The following RBFOX1 variants were observed in gnomAD, a reference collection of about 807,000 sequenced individuals.
The protein encoded by RBFOX1 is RNA binding fox-1 homolog 1, also known as RNA binding protein fox-1 homolog 1.
Under a neutral mutation model 57.7 loss-of-function variants are expected in RBFOX1, and 8 were observed. The observed-to-expected ratio is 0.14, with a 90% CI of 0.08 to 0.25. The LOEUF (loss-of-function observed/expected upper bound fraction) is 0.25, where lower values mean the gene tolerates loss of function less well. Among genes scored for constraint, RBFOX1 ranks in the 10% least tolerant of loss-of-function variants. RBFOX1 has a pLI of 1.00. For missense variants in RBFOX1, 611 were observed against 548.5 expected, an observed-to-expected ratio of 1.11 and a Z score of -1.14; for synonymous variants, 326 against 222.4, an observed-to-expected ratio of 1.47 and a Z score of -4.15.
chr16:7,292,954 A>G (rs1398132324), intron 4 of RBFOX1, among the ~76,000 whole-genome samples: 1 of 152,156 alleles, frequency 6.6e-6, no homozygotes, highest in Admixed American at 6.6e-5. Context: ...TGAAGGGGTG[A>G]GGATACGAAT....
intron 3 of RBFOX1, among the ~76,000 whole-genome samples, chr16:6,899,353 A>C (rs1299018929): frequency 3.9e-5 from 6 of 152,180 alleles, no homozygotes; most frequent in Admixed American, 3.3e-4. Context: ...ATTTAGCATC[A>C]GGCATTTTCT....
intron 1 of RBFOX1, among the ~76,000 whole-genome samples, chr16:5,365,172 C>A (rs541090907): frequency 6.6e-6 from 1 of 152,090 alleles, no homozygotes; most frequent in African/African-American, 2.4e-5. Context: ...CCCTAAGTAC[C>A]GCTTCGTGGA....
chr16:7,300,450 G>A (rs2096005318), intron 4 of RBFOX1, among the ~76,000 whole-genome samples: 1 of 152,156 alleles, frequency 6.6e-6, no homozygotes, highest in Non-Finnish European at 1.5e-5. Flanking sequence ...AGACTATATT[G>A]TCGTCCACAT....
chr16:6,626,621 A>T (rs2098311798), intron 2 of RBFOX1, among the ~76,000 whole-genome samples: 1 of 152,022 alleles, frequency 6.6e-6, no homozygotes, highest in African/African-American at 2.4e-5. Context: ...TTAGCTAGGT[A>T]TGGTGGTGCG....
At chr16:6,341,287 C>T (rs1360902456) in intron 2 of RBFOX1, among the ~76,000 whole-genome samples, 2 of 152,088 alleles carry the variant, frequency 1.3e-5, no homozygotes. Flanking sequence ...CTTCCATTTT[C>T]AAAGCCGACA....
intron 3 of RBFOX1, among the ~76,000 whole-genome samples, chr16:5,740,970 G>T (rs2052750786): frequency 6.6e-6 from 1 of 151,936 alleles, no homozygotes. Context: ...CATGAGGGAT[G>T]GTCCTTAAAA....
chr16:6,284,838 A>G (rs2076736438), intron 1 of RBFOX1, among the ~76,000 whole-genome samples: 1 of 152,176 alleles, frequency 6.6e-6, no homozygotes, highest in Non-Finnish European at 1.5e-5. Context: ...ATTATATACG[A>G]GTGCATGGAG....
At chr16:7,144,417 C>CTTCTTTTT (rs3046798) in intron 4 of RBFOX1, among the ~76,000 whole-genome samples, 9,517 of 67,110 alleles carry the variant, frequency 0.14, 1,370 homozygotes, top group Non-Finnish European at 0.19. Context: ...TTTCTTTCTT[C>CTTCTTTTT]TTTTTTTTTT....
chr16:5,811,929 T>C (rs1597348153), intron 3 of RBFOX1, among the ~76,000 whole-genome samples: 3 of 152,312 alleles, frequency 2.0e-5, no homozygotes, highest in African/African-American at 7.2e-5. Context: ...TAATCTACTC[T>C]CCCTCAACCT....
intron 2 of RBFOX1, among the ~76,000 whole-genome samples, chr16:6,319,500 C>A (rs1313193230): frequency 6.6e-6 from 1 of 152,122 alleles, no homozygotes; most frequent in Non-Finnish European, 1.5e-5. Flanking sequence ...CTTCTTAACT[C>A]CTGATGGAGT....
rs543149838 is a variant in RBFOX1, at chr16:6,334,643, G to A, written c.-64+17586G>A. On this transcript the variant is annotated intron_variant, in intron 2 of 15. Coordinates refer to ENST00000550418, the MANE Select transcript of RBFOX1 (RefSeq NM_018723.4). Reference sequence around the variant, plus strand: ...TGGGTCATAGGGAGTTTTATTCCAGGCTGAGTGAAATAAGACAGAGGACAG... The same window carrying A: ...TGGGTCATAGGGAGTTTTATTCCAGACTGAGTGAAATAAGACAGAGGACAG... 4.6e-5 allele frequency among the ~76,000 whole-genome samples: 7 copies of A among 152,244 alleles called. No homozygotes were observed. In the East Asian group the frequency reaches 1.3e-3, roughly 29 times the overall value.
chr16:7,185,120 T>C (rs752581749), intron 4 of RBFOX1, among the ~76,000 whole-genome samples: 2 of 152,160 alleles, frequency 1.3e-5, no homozygotes, highest in Non-Finnish European at 2.9e-5. Flanking sequence ...CAGTGGGGTA[T>C]TATGGAAGAG....
chr16:7,528,780 G>T (rs1234196048), intron 5 of RBFOX1, among the ~76,000 whole-genome samples: 3 of 152,174 alleles, frequency 2.0e-5, no homozygotes, highest in Non-Finnish European at 4.4e-5. Context: ...TGCATAGTAA[G>T]TTCCTATGAA....
Position 7,518,294 on chromosome 16 carries a change from C to G in RBFOX1, c.175C>G (p.Pro59Ala), listed in dbSNP as rs137880529. The part of the protein sequence containing the change: ...APEYTGQTTV[P>A]EHTLNLYPPA... The stretch of plus-strand genomic sequence containing the variant: ...AGAGTACACAGGCCAGACCACGGTT[C>G]CCGAGCACACATTAAACCTGTACCC... The change falls in exon 5 of 16, where the codon CCC becomes GCC. Residue 59 changes from proline (P) to alanine (A), a missense_variant. Coordinates refer to ENST00000550418, the MANE Select transcript of RBFOX1 (RefSeq NM_018723.4). The G allele has an allele frequency of 6.2e-7, 1 of 1,614,040 alleles. No individual in the cohort carries two copies. Among genetic ancestry groups the G allele is most frequent in the Non-Finnish European group, 8.5e-7 (1 of 1,180,034 alleles).
chr16:6,032,674 TA>T (rs1236440306), intron 1 of RBFOX1, among the ~76,000 whole-genome samples: 2 of 152,104 alleles, frequency 1.3e-5, no homozygotes, highest in African/African-American at 4.8e-5. Context: ...ATTTTTTTTT[TA>T]AAGCAACATT....
intron 4 of RBFOX1, among the ~76,000 whole-genome samples, chr16:7,190,161 G>T (rs1254320887): frequency 2.0e-5 from 3 of 152,104 alleles, no homozygotes; most frequent in Non-Finnish European, 4.4e-5. Context: ...AGGAGTTCGA[G>T]ACCAGCCTTG....
At chr16:6,623,138 C>G (rs1324272443) in intron 2 of RBFOX1, among the ~76,000 whole-genome samples, 1 of 152,146 alleles carries the variant, frequency 6.6e-6, no homozygotes, top group Non-Finnish European at 1.5e-5. Flanking sequence ...CTGGCACAGG[C>G]TCTGCATACC....
At chr16:6,118,530 G>T (rs1010396811) in intron 1 of RBFOX1, among the ~76,000 whole-genome samples, 1 of 152,024 alleles carries the variant, frequency 6.6e-6, no homozygotes, top group East Asian at 1.9e-4. Context: ...TGCTGCTGCC[G>T]CCGCCTCCGC....
intron 3 of RBFOX1, among the ~76,000 whole-genome samples, chr16:6,683,378 G>T (rs1006451708): frequency 4.6e-5 from 7 of 152,044 alleles, no homozygotes; most frequent in Non-Finnish European, 8.8e-5. Flanking sequence ...TGGAATTGTG[G>T]TTATGTAGGA....
Sources: allele counts gnomAD v4.1 joint callset (sites outside exome capture counted in the v4.1 genomes callset), GRCh38; gene constraint gnomAD v4.1.1; transcripts MANE v1.5; gene names NCBI Gene and HGNC (gene_info 2026-07-23, HGNC 2026-07-21).